The following ZNF460 variants were observed in gnomAD, a reference collection of about 807,000 sequenced individuals.
ZNF460 encodes zinc finger protein 272.
In ZNF460, 1 loss-of-function variant was observed where a neutral mutation model predicts 8.4. That is an observed-to-expected ratio of 0.12 (90% CI 0.04 to 0.56). ZNF460 has a LOEUF of 0.56. ZNF460 is among the 20% of genes least tolerant of loss of function. ZNF460 has a pLI of 0.91. For synonymous variants in ZNF460, 262 were observed against 259.9 expected, an observed-to-expected ratio of 1.01 and a Z score of -0.08; for missense variants, 477 against 714.8, an observed-to-expected ratio of 0.67 and a Z score of 3.79.
rs1436112924 is a variant in ZNF460, at chr19:57,291,237, C to T, written c.696C>T (p.Asp232=). The change falls in exon 3 of 3, where the codon GAC becomes GAT. Residue 232 remains aspartate, a synonymous_variant. Coordinates refer to ENST00000360338, the MANE Select transcript of ZNF460 (RefSeq NM_006635.4). This position sits in a 1 kb window ranked among gnomAD's most constrained non-coding sequence, Gnocchi z 8.4. ...ATAAATGCCTGGAGTGTGGGAAAGA[C>T]TTCAACCGCAGGTCACACCTCACAC... ...KPYKCLECGK[D]FNRRSHLTRH... is the part of the protein sequence containing the mutation. The T allele has an allele frequency of 3.1e-6, 5 of 1,614,084 alleles. No individual in the cohort carries two copies. The highest frequency in any genetic ancestry group is 2.2e-5 in the East Asian group (1 of 44,848).
At chr19:57,289,261 C>T (rs1213051079) in intron 2 of ZNF460, among the ~76,000 whole-genome samples, 1 of 152,080 alleles carries the variant, frequency 6.6e-6, no homozygotes, top group Non-Finnish European at 1.5e-5. Flanking sequence ...GAGCTCTGTC[C>T]TAAGAGTAGC....
In ZNF460 at chr19:57,293,537, TTCAA is replaced by T. The variant is rs1366266829; in HGVS notation, c.*1309_*1312del. 14 of 152,252 alleles carry T rather than the reference TTCAA, an allele frequency of 9.2e-5. No individual in the cohort carries two copies. The highest frequency in any genetic ancestry group is 3.4e-4 in the African/African-American group (14 of 41,468). 9.4% of individuals were successfully genotyped at this position (152,252 alleles called of 1,614,324 possible). ...ATGTTTATGGGGTTTGGTGTGATATTTCAATACATGTGTGCTAAGAGTAATGATC... is the reference window on the plus strand; with the variant it reads ...ATGTTTATGGGGTTTGGTGTGATATTTACATGTGTGCTAAGAGTAATGATC... On this transcript the variant is annotated 3_prime_UTR_variant, in exon 3 of 3. Transcript: ENST00000360338.
In ZNF460 at chr19:57,281,126, C is replaced by T. The variant is rs987923180; in HGVS notation, c.30+290C>T. On this transcript the variant is annotated intron_variant, in intron 1 of 2. Transcript: ENST00000360338. ...CCAGCCCGTACCCCATCCACCTGGC[C>T]AACCACCCCTGACCTTGTCTGTTTG... Among the ~76,000 whole-genome samples the T allele has an allele frequency of 1.2e-4, 19 of 152,172 alleles. 1 individual carries two copies. Among genetic ancestry groups the T allele is most frequent in the Non-Finnish European group, 2.8e-4 (19 of 68,038 alleles).
chr19:57,291,462 C>T lies in ZNF460; in HGVS notation c.921C>T (p.Pro307=). The stretch of plus-strand genomic sequence containing the variant: ...ACAAGAGCCACAATGAGAAGAAACC[C>T]TTCGCATGCAGCGAATGTGGAAAAG... ...LHNKSHNEKK[P]FACSECGKGF... The change falls in exon 3 of 3, where the codon CCC becomes CCT. Residue 307 remains proline (P), a synonymous_variant. Coordinates refer to ENST00000360338, the MANE Select transcript of ZNF460 (RefSeq NM_006635.4). This position sits in a 1 kb window ranked among gnomAD's most constrained non-coding sequence, Gnocchi z 8.4. The T allele has an allele frequency of 1.2e-6, 2 of 1,613,990 alleles. No individual in the cohort carries two copies. The highest frequency in any genetic ancestry group is 1.1e-5 in the South Asian group (1 of 91,086).
intron 2 of ZNF460, among the ~76,000 whole-genome samples, chr19:57,288,023 A>G (rs1568499920): frequency 6.6e-6 from 1 of 152,002 alleles, no homozygotes; most frequent in African/African-American, 2.4e-5. Flanking sequence ...CCATCATTTC[A>G]TTTTACTGTT....
Position 57,280,835 on chromosome 19 carries a change from A to C in ZNF460, c.29A>C (p.Gln10Pro). MAAAWMAPA[Q>P]ESVTFEDVAV... ...GCGGCGGCGTGGATGGCTCCGGCGCAGGTGAGTGGACGAGGTTTCGGCCTT... is the reference window on the plus strand; with the variant it reads ...GCGGCGGCGTGGATGGCTCCGGCGCCGGTGAGTGGACGAGGTTTCGGCCTT... The change falls in exon 1 of 3, where the codon CAG becomes CCG. Residue 10 changes from glutamine (Q) to proline (P), a missense_variant and splice_region_variant. Transcript: ENST00000360338. 2 of 1,614,106 alleles carry C rather than the reference A, an allele frequency of 1.2e-6. No individual in the cohort carries two copies. The highest frequency in any genetic ancestry group is 1.7e-6 in the Non-Finnish European group (2 of 1,180,008).
chr19:57,289,589 T>C (rs1259022500), intron 2 of ZNF460, among the ~76,000 whole-genome samples: 1 of 152,176 alleles, frequency 6.6e-6, no homozygotes, highest in Non-Finnish European at 1.5e-5. Flanking sequence ...TTGAGCAAGC[T>C]TATGATAGAG....
At chr19:57,284,216 ATTT>A (rs370822197) in intron 1 of ZNF460, among the ~76,000 whole-genome samples, 15 of 110,438 alleles carry the variant, frequency 1.4e-4, no homozygotes, top group South Asian at 5.5e-4. Context: ...TTATTTATTT[ATTT>A]TTTATTTATT....
At position 57,291,009 on chromosome 19, in the gene ZNF460, T is replaced by C; in HGVS notation, c.468T>C (p.Tyr156=). The C allele has an allele frequency of 1.2e-6, 2 of 1,614,244 alleles. No homozygotes were observed. The highest frequency in any genetic ancestry group is 8.5e-7 in the Non-Finnish European group (1 of 1,180,038). ...ATGCTCTCTATGGATTTGACTCATA[T>C]GGACCAGTTACAGATTCCTTGATTC... ...PEDALYGFDS[Y]GPVTDSLIHE... is the part of the protein sequence containing the mutation. The change falls in exon 3 of 3, where the codon TAT becomes TAC. Residue 156 remains tyrosine (Y), a synonymous_variant. Transcript: ENST00000360338. This position sits in a 1 kb window ranked among gnomAD's most constrained non-coding sequence, Gnocchi z 8.4.
Position 57,291,438 on chromosome 19 carries a change from C to T in ZNF460, c.897C>T (p.Asn299=), listed in dbSNP as rs2041109. 402,060 of 1,613,652 alleles carry T rather than the reference C, an allele frequency of 0.25. 52,763 individuals carry two copies. The highest frequency in any genetic ancestry group is 0.32 in the Admixed American group (19,233 of 59,970). ...FTYRSNFVLH[N]KSHNEKKPFA... is the part of the protein sequence containing the mutation. ...ACCGCTCCAATTTTGTCTTGCATAA[C>T]AAGAGCCACAATGAGAAGAAACCCT... Residue 299 remains asparagine, a synonymous_variant, in exon 3 of 3, where the codon AAC becomes AAT. Transcript: ENST00000360338. This position sits in a 1 kb window ranked among gnomAD's most constrained non-coding sequence, Gnocchi z 8.4.
intron 2 of ZNF460, 67 bp from the exon 3 acceptor site, chr19:57,290,632 C>CA: frequency 7.0e-7 from 1 of 1,430,506 alleles, no homozygotes; most frequent in Admixed American, 2.2e-5. Flanking sequence ...TTGTTCTCAC[C>CA]AAAAAGGTGG....
At chr19:57,280,976 C>A in intron 1 of ZNF460, 140 bp downstream of exon 1, 1 of 1,263,122 alleles carries the variant, frequency 7.9e-7, no homozygotes, top group Non-Finnish European at 1.1e-6. Context: ...CTTGTCATTT[C>A]CTTTATCCGC....
In ZNF460 at chr19:57,292,174, C is replaced by T. The variant is rs1225281745; in HGVS notation, c.1633C>T (p.His545Tyr). The T allele has an allele frequency of 1.2e-6, 2 of 1,614,188 alleles. No individual in the cohort carries two copies. The highest frequency in any genetic ancestry group is 8.5e-7 in the Non-Finnish European group (1 of 1,180,012). The change falls in exon 3 of 3, where the codon CAT becomes TAT. Residue 545 changes from histidine (H) to tyrosine (Y), a missense_variant. By Grantham distance (83) the His-to-Tyr change is moderately conservative. Coordinates refer to ENST00000360338, the MANE Select transcript of ZNF460 (RefSeq NM_006635.4). The stretch of plus-strand genomic sequence containing the variant: ...TATGGAAACGCCTTCAATTGCCGCT[C>T]ATTCCTCCTCACTCGACATCAACGG... ...VNMETPSIAA[H>Y]SSSLDINGFI...
intron 2 of ZNF460, among the ~76,000 whole-genome samples, chr19:57,288,691 G>T (rs897198642): frequency 7.9e-5 from 12 of 152,130 alleles, no homozygotes; most frequent in African/African-American, 2.9e-4. Context: ...ATGAACTCAC[G>T]ATTCAGCACA....
chr19:57,292,378 A>C lies in ZNF460; in HGVS notation c.*148A>C, dbSNP rs2087925165. On this transcript the variant is annotated 3_prime_UTR_variant, in exon 3 of 3. Coordinates refer to ENST00000360338, the MANE Select transcript of ZNF460 (RefSeq NM_006635.4). ...GTCATTCATACTGAAGAGAAACTCCATAAGTATCATCTCTGTGGGAAAACC... is the reference window on the plus strand; with the variant it reads ...GTCATTCATACTGAAGAGAAACTCCCTAAGTATCATCTCTGTGGGAAAACC... 6.2e-6 allele frequency: 5 copies of C among 807,212 alleles called. No homozygotes were observed. Among genetic ancestry groups the C allele is most frequent in the Non-Finnish European group, 9.8e-6 (5 of 509,932 alleles). 50.0% of individuals were successfully genotyped at this position (807,212 alleles called of 1,614,324 possible).
chr19:57,280,479 G>A (rs560349078), upstream of ZNF460: 13 of 368,576 alleles, frequency 3.5e-5, no homozygotes, highest in African/African-American at 6.3e-5. Context: ...GGGCCGGTTT[G>A]GCCCTGAAAC....
At chr19:57,285,351 T>C (rs7251233) in intron 2 of ZNF460, among the ~76,000 whole-genome samples, 65,862 of 151,976 alleles carry the variant, frequency 0.43, 14,607 homozygotes, top group African/African-American at 0.49. Flanking sequence ...ACTGTCTTTT[T>C]ATAATGGCTT....
At chr19:57,288,353 C>T (rs1044514404) in intron 2 of ZNF460, among the ~76,000 whole-genome samples, 1 of 152,046 alleles carries the variant, frequency 6.6e-6, no homozygotes, top group South Asian at 2.1e-4. Context: ...CTACAACGTC[C>T]GGCTAATTTA....
Position 57,284,878 on chromosome 19 carries a change from G to A in ZNF460, c.157+201G>A, listed in dbSNP as rs926844999. 1.0e-4 allele frequency among the ~76,000 whole-genome samples: 15 copies of A among 149,982 alleles called. No individual in the cohort carries two copies. The South Asian group carries it at 1.7e-3, about 17-fold the overall frequency. On this transcript the variant is annotated intron_variant, in intron 2 of 2. Coordinates refer to ENST00000360338, the MANE Select transcript of ZNF460 (RefSeq NM_006635.4). ...GTTGCCCAGGCTGGAGTGAAATGGC[G>A]TGACCTTGGCTCACCACAACCTCCG...
Sources: allele counts gnomAD v4.1 joint callset (sites outside exome capture counted in the v4.1 genomes callset), GRCh38; gene constraint gnomAD v4.1.1; non-coding constraint Gnocchi (gnomAD v3.1); transcripts MANE v1.5; gene names NCBI Gene and HGNC (gene_info 2026-07-23, HGNC 2026-07-21).